The following MDGA2 variants were observed in gnomAD, a reference collection of about 807,000 sequenced individuals.
MDGA2 encodes the protein MAM domain containing glycosylphosphatidylinositol anchor 2.
Under a neutral mutation model 117.8 loss-of-function variants are expected in MDGA2, and 40 were observed. The observed-to-expected ratio is 0.34, with a 90% CI of 0.26 to 0.44. The LOEUF (loss-of-function observed/expected upper bound fraction) is 0.44. Among genes scored for constraint, MDGA2 ranks in the 20% least tolerant of loss-of-function variants. The pLI, the probability that MDGA2 is intolerant of heterozygous loss-of-function variation, is 1.00. For synonymous variants in MDGA2, 452 were observed against 439.0 expected (o/e 1.03, Z -0.37); for missense variants, 1,123 against 1,250.6 (o/e 0.90, Z 1.54).
At position 47,146,517 on chromosome 14, in the gene MDGA2, C is replaced by A. The variant is rs1161578691; in HGVS notation, c.596-2243G>T. The stretch of plus-strand genomic sequence containing the variant: ...ATGTTTTGAGATTTTTAAAACCTAT[C>A]AAATATTCATTAATTTGGTGATTAG... On this transcript the variant is annotated intron_variant, in intron 3 of 16. Transcript: ENST00000399232. Among the ~76,000 whole-genome samples the A allele has an allele frequency of 2.6e-5, 4 of 152,094 alleles. No individual in the cohort carries two copies. The South Asian group carries it at 6.2e-4, about 24-fold the overall frequency.
chr14:46,947,860 T>A, intron 9 of MDGA2, among the ~76,000 whole-genome samples: 1 of 152,150 alleles, frequency 6.6e-6, no homozygotes, highest in African/African-American at 2.4e-5. Flanking sequence ...TCAGTTATTA[T>A]TTTTTTCATT....
intron 1 of MDGA2, among the ~76,000 whole-genome samples, chr14:47,355,693 GA>G: frequency 6.6e-6 from 1 of 152,092 alleles, no homozygotes; most frequent in African/African-American, 2.4e-5. Context: ...CAAGAGGACA[GA>G]GAGAGGACGG....
At chr14:46,854,916 C>A in intron 15 of MDGA2, 108 bp downstream of exon 15, 1 of 1,009,374 alleles carries the variant, frequency 9.9e-7, no homozygotes, top group Admixed American at 3.0e-5. Flanking sequence ...TTTTGTGATG[C>A]TTATATCGTG....
At chr14:47,438,645 C>A (rs1304995338) in intron 1 of MDGA2, among the ~76,000 whole-genome samples, 1 of 152,084 alleles carries the variant, frequency 6.6e-6, no homozygotes, top group East Asian at 1.9e-4. Context: ...AGCTGCAACT[C>A]CCAAGCTGGA....
At chr14:46,910,094 G>A (rs2138477658) in intron 10 of MDGA2, among the ~76,000 whole-genome samples, 1 of 151,948 alleles carries the variant, frequency 6.6e-6, no homozygotes, top group African/African-American at 2.4e-5. Flanking sequence ...AAATAATCAT[G>A]TTCAAGGGTA....
intron 10 of MDGA2, among the ~76,000 whole-genome samples, chr14:46,906,349 T>C (rs186583266): frequency 1.3e-5 from 2 of 152,152 alleles, no homozygotes; most frequent in East Asian, 3.9e-4. Context: ...TTCATAGTCC[T>C]AAAATACTTA....
At chr14:47,273,511 T>A (rs2139710162) in intron 2 of MDGA2, among the ~76,000 whole-genome samples, 1 of 152,210 alleles carries the variant, frequency 6.6e-6, no homozygotes, top group Non-Finnish European at 1.5e-5. Flanking sequence ...AAGAAGAAAG[T>A]AAAAGGAAGC....
At chr14:47,505,879 T>A (rs907855502) in intron 1 of MDGA2, among the ~76,000 whole-genome samples, 2 of 152,304 alleles carry the variant, frequency 1.3e-5, no homozygotes, top group Non-Finnish European at 2.9e-5. Flanking sequence ...AAAATAATAA[T>A]CAATTTACTC....
At chr14:47,388,025 G>A (rs1485572973) in intron 1 of MDGA2, among the ~76,000 whole-genome samples, 1 of 152,154 alleles carries the variant, frequency 6.6e-6, no homozygotes, top group Admixed American at 6.5e-5. Flanking sequence ...TGGTTACTCA[G>A]AAATCACAGA....
chr14:47,276,056 C>G (rs1339061150), intron 2 of MDGA2, among the ~76,000 whole-genome samples: 2 of 152,146 alleles, frequency 1.3e-5, no homozygotes, highest in East Asian at 3.9e-4. Flanking sequence ...GTGATAAACA[C>G]CTCTGTCAAG....
At chr14:47,188,023 T>G (rs1004607847) in intron 3 of MDGA2, among the ~76,000 whole-genome samples, 3 of 152,096 alleles carry the variant, frequency 2.0e-5, no homozygotes, top group Non-Finnish European at 4.4e-5. Context: ...AAAAATAGTC[T>G]AAAGGAAAAG....
intron 3 of MDGA2, among the ~76,000 whole-genome samples, chr14:47,197,960 A>G (rs924209427): frequency 6.6e-6 from 1 of 152,178 alleles, no homozygotes; most frequent in Non-Finnish European, 1.5e-5. Context: ...TTTTAGCACT[A>G]TGGAGTTATG....
At chr14:47,057,581 C>T (rs1188672036) in intron 7 of MDGA2, among the ~76,000 whole-genome samples, 1 of 122,914 alleles carries the variant, frequency 8.1e-6, no homozygotes, top group Non-Finnish European at 1.8e-5. Flanking sequence ...AACTCCAAAA[C>T]ACATGAGGCC....
chr14:47,412,011 A>G (rs1339673299), intron 1 of MDGA2, among the ~76,000 whole-genome samples: 3 of 152,320 alleles, frequency 2.0e-5, no homozygotes, highest in Admixed American at 1.3e-4. Flanking sequence ...AAGCCTGTCT[A>G]AAGTCTCACA....
intron 6 of MDGA2, among the ~76,000 whole-genome samples, chr14:47,082,029 T>C (rs1890726316): frequency 6.6e-6 from 1 of 152,100 alleles, no homozygotes; most frequent in Non-Finnish European, 1.5e-5. Context: ...GCTGGAAAAA[T>C]TAACCAACTT....
At chr14:46,961,161 A>C (rs1324101914) in intron 8 of MDGA2, among the ~76,000 whole-genome samples, 1 of 151,962 alleles carries the variant, frequency 6.6e-6, no homozygotes, top group South Asian at 2.1e-4. Context: ...GCTGTTCTGC[A>C]GTTTCAATAT....
chr14:47,387,711 T>A (rs1352543962), intron 1 of MDGA2, among the ~76,000 whole-genome samples: 1 of 152,148 alleles, frequency 6.6e-6, no homozygotes, highest in African/African-American at 2.4e-5. Flanking sequence ...TATTTATACT[T>A]TAAATATCCA....
At chr14:47,486,141 G>A (rs1894055811) in intron 1 of MDGA2, among the ~76,000 whole-genome samples, 1 of 152,192 alleles carries the variant, frequency 6.6e-6, no homozygotes, top group African/African-American at 2.4e-5. Flanking sequence ...CCAGGAGGGA[G>A]GCTATACCCT....
intron 4 of MDGA2, among the ~76,000 whole-genome samples, chr14:47,140,804 G>T (rs1028757584): frequency 3.3e-5 from 5 of 151,984 alleles, no homozygotes; most frequent in African/African-American, 1.2e-4. Flanking sequence ...TAGAGAAACA[G>T]AATTATATTG....
Sources: gnomAD v4.1 joint callset for allele counts (sites outside exome capture counted in the v4.1 genomes callset) on GRCh38, gnomAD v4.1.1 for gene constraint, MANE v1.5 for transcripts, NCBI Gene and HGNC (gene_info 2026-07-23, HGNC 2026-07-21) for gene names.